ANOS1: variants seen among roughly 807,000 people sequenced by gnomAD.
The protein encoded by ANOS1 is anosmin 1, also known as anosmin-1.
In ANOS1, 6 loss-of-function variants were observed where a neutral mutation model predicts 59.0. The observed-to-expected ratio is 0.10, with a 90% CI of 0.06 to 0.20. The LOEUF is 0.20. Ranked by LOEUF, ANOS1 falls within the 10% of genes least tolerant of loss-of-function variation. The pLI is 1.00. For missense variants in ANOS1, 433 were observed against 542.3 expected (o/e 0.80, Z 2.00); for synonymous variants, 217 against 223.4 (o/e 0.97, Z 0.25).
chrX:8,608,759 TAGTG>T (rs1930989198), intron 3 of ANOS1, among the ~76,000 whole-genome samples: 1 of 111,613 alleles, frequency 9.0e-6, no homozygotes, highest in South Asian at 3.8e-4. Context: ...GTTCTTGTGA[TAGTG>T]AGTGAGTTCT....
At position 8,597,657 on chromosome X, in the gene ANOS1, C is replaced by T. The variant is rs189451021; in HGVS notation, c.319-401G>A. On this transcript the variant is annotated intron_variant, in intron 3 of 13. Coordinates refer to ENST00000262648, the MANE Select transcript of ANOS1 (RefSeq NM_000216.4). ...CACTCTCTTTAATTTTTTCTTTCTC[C>T]CTTTTTTTTTTTTTTTTTTTTTTTT... Among the ~76,000 whole-genome samples the T allele has an allele frequency of 2.4e-3, 199 of 82,389 alleles. 3 individuals carry two copies. In the South Asian group the frequency reaches 0.027, roughly 11 times the overall value. The allele number at this position is 82,389 out of a possible 115,157, so 71.5% of individuals were successfully genotyped here.
At chrX:8,685,561 G>A (rs370268947) in intron 2 of ANOS1, among the ~76,000 whole-genome samples, 2 of 27,949 alleles carry the variant, frequency 7.2e-5, no homozygotes, top group African/African-American at 3.1e-4. Flanking sequence ...AAAGAAAGAA[G>A]GAAGGAAGGA....
At chrX:8,608,606 A>G (rs5978917) in intron 3 of ANOS1, among the ~76,000 whole-genome samples, 41,424 of 110,860 alleles carry the variant, frequency 0.37, 5,546 homozygotes, top group South Asian at 0.44. Context: ...ATCATCACAA[A>G]ATGAAATAGA....
intron 1 of ANOS1, among the ~76,000 whole-genome samples, chrX:8,716,292 A>C (rs1476379938): frequency 1.8e-5 from 2 of 112,182 alleles, no homozygotes; most frequent in Non-Finnish European, 3.8e-5. Context: ...ACACATCTTC[A>C]CAATCAGGGT....
At chrX:8,697,346 G>A (rs950557926) in intron 2 of ANOS1, among the ~76,000 whole-genome samples, 2 of 112,147 alleles carry the variant, frequency 1.8e-5, no homozygotes, top group Non-Finnish European at 3.8e-5. Flanking sequence ...ATTTTAGTCT[G>A]AGTGAGACGG....
chrX:8,684,489 G>A (rs965808981), intron 2 of ANOS1, among the ~76,000 whole-genome samples: 1 of 111,551 alleles, frequency 9.0e-6, no homozygotes. Flanking sequence ...TAAAGTTAAA[G>A]AAGCATTTAG....
chrX:8,617,507 G>A (rs898314839), intron 3 of ANOS1, among the ~76,000 whole-genome samples: 2 of 111,484 alleles, frequency 1.8e-5, no homozygotes, highest in African/African-American at 3.3e-5. Context: ...TTGGCCAGGC[G>A]CAGTGGCTCA....
intron 1 of ANOS1, among the ~76,000 whole-genome samples, chrX:8,710,327 C>T (rs1222121090): frequency 8.9e-6 from 1 of 111,930 alleles, no homozygotes; most frequent in Non-Finnish European, 1.9e-5. Context: ...GAACTTCTAC[C>T]TCACCAGCAG....
At position 8,720,768 on chromosome X, in the gene ANOS1, A is replaced by T. The variant is rs746794129; in HGVS notation, c.207+11062T>A. On this transcript the variant is annotated intron_variant, in intron 1 of 13. Coordinates refer to ENST00000262648, the MANE Select transcript of ANOS1 (RefSeq NM_000216.4). Reference sequence around the variant, plus strand: ...AAACAAAAACAAAAACAAAAAACTTAAAAAAAAAGTAGCCAGGTACGGGGG... The same window carrying T: ...AAACAAAAACAAAAACAAAAAACTTTAAAAAAAAGTAGCCAGGTACGGGGG... 5.5e-5 allele frequency among the ~76,000 whole-genome samples: 6 copies of T among 109,074 alleles called. No individual in the cohort carries two copies. In the South Asian group the frequency reaches 2.4e-3, roughly 43 times the overall value. The allele number at this position is 109,074 out of a possible 115,157, so 94.7% of individuals were successfully genotyped here. A position where few individuals can be genotyped will look rare whatever the true frequency, so the allele number is the denominator to read the frequency against.
intron 10 of ANOS1, 77 bp from the exon 11 acceptor site, chrX:8,537,019 A>C: frequency 1.1e-6 from 1 of 874,856 alleles, no homozygotes; most frequent in East Asian, 3.2e-5. Context: ...AATTGAAATC[A>C]TATTCCATCC....
At chrX:8,633,558 T>C (rs1931524610) in intron 2 of ANOS1, among the ~76,000 whole-genome samples, 1 of 111,998 alleles carries the variant, frequency 8.9e-6, no homozygotes, top group African/African-American at 3.2e-5. Flanking sequence ...ATTCCCATGG[T>C]CACTGCTCAA....
rs1178830897 is a variant in ANOS1, at chrX:8,570,430, T to C, written c.1062+69A>G. On this transcript the variant is annotated intron_variant, in intron 7 of 13. Coordinates refer to ENST00000262648, the MANE Select transcript of ANOS1 (RefSeq NM_000216.4). ...CTCTCAGTTTAGCAGAGGCCTCTTT[T>C]CAGGCCAGTTGCCTTGAGTTGAAAT... The C allele has an allele frequency of 3.2e-6, 3 of 941,506 alleles. No homozygotes were observed. The African/African-American group carries it at 5.8e-5, about 18-fold the overall frequency. 77.6% of individuals were successfully genotyped at this position (941,506 alleles called of 1,213,427 possible).
chrX:8,706,868 T>C (rs1339405322), intron 1 of ANOS1, among the ~76,000 whole-genome samples: 1 of 112,160 alleles, frequency 8.9e-6, no homozygotes, highest in East Asian at 2.8e-4. Context: ...ATTTCACATT[T>C]AATGGAATTC....
chrX:8,586,011 G>C (rs934694828), intron 5 of ANOS1, among the ~76,000 whole-genome samples: 1 of 112,338 alleles, frequency 8.9e-6, no homozygotes, highest in Non-Finnish European at 1.9e-5. Context: ...AGGTTTTGCT[G>C]TCTCTAGTGC....
chrX:8,673,430 C>T (rs775197778), intron 2 of ANOS1, among the ~76,000 whole-genome samples: 2 of 108,476 alleles, frequency 1.8e-5, no homozygotes, highest in African/African-American at 6.7e-5. Context: ...AGTGTCTGCT[C>T]GCCCCAACTA....
intron 12 of ANOS1, among the ~76,000 whole-genome samples, chrX:8,534,827 T>C (rs1042510984): frequency 8.0e-5 from 9 of 112,071 alleles, no homozygotes; most frequent in Non-Finnish European, 1.7e-4. Context: ...GAACTCTTGA[T>C]AGTCCAAATT....
intron 2 of ANOS1, among the ~76,000 whole-genome samples, chrX:8,694,180 C>A (rs1932649394): frequency 9.0e-6 from 1 of 111,421 alleles, no homozygotes; most frequent in African/African-American, 3.3e-5. Context: ...TGAGTATCTA[C>A]TGAAATGGGA....
intron 3 of ANOS1, among the ~76,000 whole-genome samples, chrX:8,610,358 T>G (rs932914593): frequency 2.7e-5 from 3 of 111,912 alleles, no homozygotes; most frequent in Middle Eastern, 4.6e-3. Flanking sequence ...AGCTACAATT[T>G]TGCCAAAAAA....
At chrX:8,597,789 A>G (rs1230809127) in intron 3 of ANOS1, among the ~76,000 whole-genome samples, 1 of 103,741 alleles carries the variant, frequency 9.6e-6, no homozygotes, top group Non-Finnish European at 1.9e-5. Flanking sequence ...CTCCTGCCTC[A>G]GCCTCCCAAG....
Sources: gnomAD v4.1 joint callset for allele counts (sites outside exome capture counted in the v4.1 genomes callset) on GRCh38, gnomAD v4.1.1 for gene constraint, MANE v1.5 for transcripts, NCBI Gene and HGNC (gene_info 2026-07-23, HGNC 2026-07-21) for gene names.